Variants in SPACDR observed in about 807,000 individuals in gnomAD.
The protein encoded by SPACDR is uncharacterized protein C7orf61.
the SPACDR span, among the ~76,000 whole-genome samples, chr7:100,461,797 G>A: frequency 6.6e-6 from 1 of 151,730 alleles, no homozygotes; most frequent in Non-Finnish European, 1.5e-5. Context: ...AGACCATCCT[G>A]GTTAACACAG....
chr7:100,459,499 G>A, the SPACDR span, among the ~76,000 whole-genome samples: 10 of 149,244 alleles, frequency 6.7e-5, no homozygotes, highest in African/African-American at 1.5e-4. Context: ...CATGTTGGCC[G>A]GGCTGGTCTC....
chr7:100,457,987 CTG>C, the SPACDR span, among the ~76,000 whole-genome samples: 2 of 151,182 alleles, frequency 1.3e-5, no homozygotes, highest in African/African-American at 4.9e-5. Context: ...TCGGCTTAAA[CTG>C]TTTTTTTGTT....
chr7:100,458,230 G>C, the SPACDR span, among the ~76,000 whole-genome samples: 1 of 139,066 alleles, frequency 7.2e-6, no homozygotes, highest in Admixed American at 7.1e-5. Context: ...GTGTGTGTGT[G>C]TGTGTGTGTA....
the SPACDR span, among the ~76,000 whole-genome samples, chr7:100,461,036 G>A: frequency 1.2e-4 from 18 of 152,066 alleles, no homozygotes; most frequent in South Asian, 2.9e-3. Context: ...CTTCAGGATC[G>A]TTCCACTCCA....
the SPACDR span, among the ~76,000 whole-genome samples, chr7:100,458,972 T>C: frequency 6.6e-6 from 1 of 151,722 alleles, no homozygotes; most frequent in South Asian, 2.1e-4. Context: ...CCCACGTTAC[T>C]GTGTGTATCA....
chr7:100,460,885 A>G, the SPACDR span, among the ~76,000 whole-genome samples: 20 of 151,970 alleles, frequency 1.3e-4, no homozygotes, highest in Non-Finnish European at 2.4e-4. Flanking sequence ...CTACCCAAAT[A>G]TGAGTGCAGG....
the SPACDR span, among the ~76,000 whole-genome samples, chr7:100,462,527 A>T: frequency 5.5e-5 from 7 of 128,282 alleles, no homozygotes; most frequent in South Asian, 7.3e-4. Flanking sequence ...ATATATATAT[A>T]TTTTTAAGAG....
At chr7:100,464,103 G>GT in the SPACDR span, 1 of 1,475,150 alleles carries the variant, frequency 6.8e-7, no homozygotes, top group South Asian at 1.3e-5. Context: ...GGGGGATGGG[G>GT]TGGGCTGTGG....
the SPACDR span, among the ~76,000 whole-genome samples, chr7:100,457,841 G>GTGTGTGTGTGTGTGTGTA: frequency 6.3e-4 from 54 of 85,058 alleles, no homozygotes; most frequent in East Asian, 6.3e-3. Flanking sequence ...GTGTGTGTGT[G>GTGTGTGTGTGTGTGTGTA]TATATATATA....
chr7:100,461,936 C>T, the SPACDR span, among the ~76,000 whole-genome samples: 3 of 146,470 alleles, frequency 2.0e-5, no homozygotes, highest in South Asian at 2.2e-4. Flanking sequence ...GAGCTTGCAG[C>T]GAACCGAGAT....
the SPACDR span, chr7:100,456,798 G>A: frequency 1.2e-6 from 2 of 1,613,244 alleles, no homozygotes; most frequent in South Asian, 2.2e-5. Context: ...AGCCGGGTTG[G>A]GTCGGGGGGC....
chr7:100,461,280 G>T, the SPACDR span, among the ~76,000 whole-genome samples: 2 of 151,950 alleles, frequency 1.3e-5, no homozygotes, highest in Non-Finnish European at 2.9e-5. Flanking sequence ...TAGAGACAGG[G>T]TTTCACCATG....
chr7:100,457,604 C>A, the SPACDR span, among the ~76,000 whole-genome samples: 1 of 148,168 alleles, frequency 6.7e-6, no homozygotes, highest in Non-Finnish European at 1.5e-5. Flanking sequence ...CAGGCGTGAG[C>A]CACCATGCCT....
chr7:100,457,396 G>A, the SPACDR span, among the ~76,000 whole-genome samples: 1 of 151,882 alleles, frequency 6.6e-6, no homozygotes, highest in African/African-American at 2.4e-5. Flanking sequence ...TCAGCTCACT[G>A]CATCCTCCAC....
chr7:100,463,109 G>GAA, the SPACDR span, among the ~76,000 whole-genome samples: 2 of 134,816 alleles, frequency 1.5e-5, 1 homozygote, highest in Non-Finnish European at 3.2e-5. Flanking sequence ...GTCTCAGGGA[G>GAA]AAAAAAAAAA....
the SPACDR span, among the ~76,000 whole-genome samples, chr7:100,459,542 G>A: frequency 1.3e-5 from 2 of 151,948 alleles, no homozygotes; most frequent in South Asian, 4.2e-4. Context: ...TGCCTGCCTT[G>A]GCCTCCCAAA....
the SPACDR span, chr7:100,463,665 T>C: frequency 6.2e-7 from 1 of 1,613,610 alleles, no homozygotes; most frequent in South Asian, 1.1e-5. Context: ...GTTGGTTTAA[T>C]TTTTTGCCTC....
chr7:100,460,268 G>C, the SPACDR span, among the ~76,000 whole-genome samples: 1 of 150,048 alleles, frequency 6.7e-6, no homozygotes, highest in Non-Finnish European at 1.5e-5. Flanking sequence ...TGGGTCATAT[G>C]ATAACTGCGT....
chr7:100,458,195 G>GGTGTGTGTGTGT, the SPACDR span, among the ~76,000 whole-genome samples: 3 of 137,014 alleles, frequency 2.2e-5, no homozygotes, highest in East Asian at 2.2e-4. Flanking sequence ...TGTACTCACT[G>GGTGTGTGTGTGT]GTGTGTGTGT....
Sources: allele counts gnomAD v4.1 joint callset (sites outside exome capture counted in the v4.1 genomes callset), GRCh38; gene constraint gnomAD v4.1.1; transcripts MANE v1.5; gene names NCBI Gene and HGNC (gene_info 2026-07-23, HGNC 2026-07-21).